CPSF4L: variants seen among roughly 807,000 people sequenced by gnomAD.
CPSF4L encodes cleavage and polyadenylation specific factor 4 like, also known as putative cleavage and polyadenylation specificity factor subunit 4-like protein.
A neutral mutation model predicts 24.0 loss-of-function variants in CPSF4L; 18 were observed. The ratio of observed to expected loss-of-function variants is 0.75; its 90% CI spans 0.52 to 1.11. The LOEUF (loss-of-function observed/expected upper bound fraction) is 1.11, where lower values mean the gene tolerates loss of function less well. Ranked by LOEUF, CPSF4L falls within the 50% of genes least tolerant of loss-of-function variation. The probability of loss-of-function intolerance (pLI) is 0.00; values close to 1 mark genes in which losing one functional copy is unlikely to be tolerated. For missense variants in CPSF4L, 211 were observed against 221.8 expected (o/e 0.95, Z 0.31); for synonymous variants, 72 against 77.2 (o/e 0.93, Z 0.35).
In CPSF4L at chr17:73,252,638, T is replaced by C. The variant is rs74909356; in HGVS notation, c.489A>G (p.Gln163=). The change falls in exon 5 of 6, where the codon CAA becomes CAG. Residue 163 remains glutamine, a synonymous_variant. Transcript: ENST00000344935. ...TGAGGGATCATACTTACTGAGCAAA[T>C]TGGCACTTGGGTCCCTCGGGGCAGA... The part of the protein sequence containing the change: ...VGFCPEGPKC[Q]FAQKIREFKL... The C allele has an allele frequency of 2.8e-3, 4,406 of 1,547,786 alleles. 6 individuals carry two copies. The highest frequency in any genetic ancestry group is 3.5e-3 in the Non-Finnish European group (3,970 of 1,143,506).
At chr17:73,242,296 C>T in the CPSF4L span, 66 of 1,606,520 alleles carry the variant, frequency 4.1e-5, no homozygotes, top group Admixed American at 1.2e-4. Context: ...AACCCCCTGC[C>T]GGACTTACAA....
downstream of CPSF4L, chr17:73,245,823 G>T: frequency 1.5e-6 from 1 of 679,186 alleles, no homozygotes; most frequent in Non-Finnish European, 1.8e-6. Context: ...CATCTTAATT[G>T]AGTATAATAA....
chr17:73,250,130 T>A (rs1015619563), intron 5 of CPSF4L: 1 of 967,986 alleles, frequency 1.0e-6, no homozygotes, highest in African/African-American at 1.7e-5. Flanking sequence ...ACAGGCTACT[T>A]CTGCACCTCA....
At chr17:73,263,470 C>T (rs1024110500), upstream of CPSF4L, among the ~76,000 whole-genome samples, 1 of 152,184 alleles carries the variant, frequency 6.6e-6, no homozygotes, top group Non-Finnish European at 1.5e-5. Context: ...AGGCAGAGCT[C>T]TCTCAATGGA....
Position 73,252,738 on chromosome 17 carries a change from GA to G in CPSF4L, c.404-16del, listed in dbSNP as rs1449090451. On this transcript the variant is annotated splice_polypyrimidine_tract_variant and intron_variant, in intron 4 of 5. Transcript: ENST00000344935. ...ACACAGAGGACCTGCTGAGCAAAGA[GA>G]AAGTGATGAGAAGGATCCGCTTCAG... 6.6e-7 allele frequency: 1 copy of G among 1,522,192 alleles called. No homozygotes were observed. Among genetic ancestry groups the G allele is most frequent in the Non-Finnish European group, 8.9e-7 (1 of 1,122,838 alleles). 94.3% of individuals were successfully genotyped at this position (1,522,192 alleles called of 1,614,324 possible).
intron 5 of CPSF4L, chr17:73,250,381 G>GGTTA: frequency 6.6e-7 from 1 of 1,519,492 alleles, no homozygotes; most frequent in East Asian, 2.5e-5. Flanking sequence ...CATAGGAGAT[G>GGTTA]GTTAGCTACC....
intron 4 of CPSF4L, among the ~76,000 whole-genome samples, chr17:73,253,319 C>T (rs947924004): frequency 6.6e-6 from 1 of 152,182 alleles, no homozygotes; most frequent in Non-Finnish European, 1.5e-5. Flanking sequence ...AAGATCGCAC[C>T]ACTGCACTCC....
intron 1 of CPSF4L, among the ~76,000 whole-genome samples, chr17:73,261,515 G>C (rs966456505): frequency 2.0e-5 from 3 of 152,210 alleles, no homozygotes; most frequent in African/African-American, 7.2e-5. Context: ...CAAAAAATCA[G>C]CTGGGCGTGG....
At chr17:73,247,308 T>C (rs1422777731), downstream of CPSF4L, 6 of 1,614,032 alleles carry the variant, frequency 3.7e-6, no homozygotes, top group Admixed American at 5.0e-5. Context: ...CGAAGACGAC[T>C]GGGGATTGCC....
chr17:73,261,701 C>A lies in CPSF4L; in HGVS notation c.103+15G>T. 2 of 1,511,212 alleles carry A rather than the reference C, an allele frequency of 1.3e-6. No individual in the cohort carries two copies. The highest frequency in any genetic ancestry group is 1.8e-6 in the Non-Finnish European group (2 of 1,110,234). 93.6% of individuals were successfully genotyped at this position (1,511,212 alleles called of 1,614,324 possible). A position where few individuals can be genotyped will look rare whatever the true frequency, so the allele number is the denominator to read the frequency against. ...GAGAAGGTAGGGGAGGGAAAGTGGC[C>A]CCACCCTCACTCACTGTCCATGCCC... On this transcript the variant is annotated intron_variant, in intron 1 of 5. Transcript: ENST00000344935.
chr17:73,253,582 G>C (rs902019969), intron 4 of CPSF4L, among the ~76,000 whole-genome samples: 9 of 152,224 alleles, frequency 5.9e-5, no homozygotes, highest in Admixed American at 5.9e-4. Context: ...GGACCCCCCA[G>C]GTGGGTAAGT....
intron 4 of CPSF4L, 115 bp downstream of exon 4, chr17:73,253,812 GCCTT>G: frequency 1.6e-6 from 1 of 612,030 alleles, no homozygotes; most frequent in Admixed American, 2.9e-5. Context: ...CTACAGAAAG[GCCTT>G]CTATTTGGGG....
intron 5 of CPSF4L, among the ~76,000 whole-genome samples, chr17:73,250,452 A>G: frequency 6.6e-6 from 1 of 152,224 alleles, no homozygotes; most frequent in East Asian, 1.9e-4. Flanking sequence ...ATTCAAGCCC[A>G]GCATCACAAT....
intron 5 of CPSF4L, 67 bp from the exon 6 acceptor site, chr17:73,248,603 T>C: frequency 6.7e-7 from 1 of 1,498,474 alleles, no homozygotes; most frequent in South Asian, 1.2e-5. Flanking sequence ...TTCCCATCCA[T>C]CCCGCAGAAG....
At chr17:73,263,149 T>C (rs982483514), upstream of CPSF4L, among the ~76,000 whole-genome samples, 26 of 152,130 alleles carry the variant, frequency 1.7e-4, no homozygotes, top group Non-Finnish European at 3.5e-4. Context: ...ATGCGTTGAT[T>C]AGTAGTCCCA....
Position 73,253,996 on chromosome 17 carries a change from A to C in CPSF4L, c.338T>G (p.Leu113Arg). 6.4e-7 allele frequency: 1 copy of C among 1,551,672 alleles called. No homozygotes were observed. The highest frequency in any genetic ancestry group is 8.7e-7 in the Non-Finnish European group (1 of 1,146,952). Residue 113 changes from leucine to arginine, a missense_variant, in exon 4 of 6, where the codon CTC becomes CGC. Coordinates refer to ENST00000344935, the MANE Select transcript of CPSF4L (RefSeq NM_001129885.1). Reference sequence around the variant, plus strand: ...GGACTTGAAAGCTGGCTTCACATGGAGGAAGGAACACTCCTTGTTGCTGCA... The same window carrying C: ...GGACTTGAAAGCTGGCTTCACATGGCGGAAGGAACACTCCTTGTTGCTGCA... ...GDCSNKECSF[L>R]HVKPAFKSQD...
At chr17:73,260,650 C>A (rs1052111044) in intron 2 of CPSF4L, among the ~76,000 whole-genome samples, 1 of 152,130 alleles carries the variant, frequency 6.6e-6, no homozygotes, top group African/African-American at 2.4e-5. Context: ...ACCTGTAGTT[C>A]CAGTTACTCG....
intron 3 of CPSF4L, among the ~76,000 whole-genome samples, chr17:73,256,519 G>T (rs938297220): frequency 6.6e-6 from 1 of 152,218 alleles, no homozygotes; most frequent in Admixed American, 6.5e-5. Context: ...GCATCCAGGG[G>T]ATTCTGCCAG....
downstream of CPSF4L, among the ~76,000 whole-genome samples, chr17:73,244,997 C>A (rs900227750): frequency 1.3e-5 from 2 of 152,096 alleles, no homozygotes; most frequent in African/African-American, 4.8e-5. Flanking sequence ...TGTTTGATAC[C>A]TGACATTAAT....
Sources: gnomAD v4.1 joint callset for allele counts (sites outside exome capture counted in the v4.1 genomes callset) on GRCh38, gnomAD v4.1.1 for gene constraint, MANE v1.5 for transcripts, NCBI Gene and HGNC (gene_info 2026-07-23, HGNC 2026-07-21) for gene names.